CYP4X1: variants seen among roughly 807,000 people sequenced by gnomAD.
CYP4X1 encodes cytochrome P450 4X1.
Under a neutral mutation model 57.9 loss-of-function variants are expected in CYP4X1, and 44 were observed. The observed-to-expected ratio is 0.76, with a 90% CI of 0.60 to 0.98. The LOEUF (loss-of-function observed/expected upper bound fraction) is 0.98, where lower values mean the gene tolerates loss of function less well. Among genes scored for constraint, CYP4X1 ranks in the 50% least tolerant of loss-of-function variants. The pLI is 0.00. For missense variants in CYP4X1, 532 were observed against 623.9 expected (o/e 0.85, Z 1.57); for synonymous variants, 227 against 228.6 (o/e 0.99, Z 0.06).
chr1:46,985,402 G>A, the CYP4X1 span, among the ~76,000 whole-genome samples: 1 of 152,344 alleles, frequency 6.6e-6, no homozygotes, highest in East Asian at 1.9e-4. Context: ...CTCCCTGGGA[G>A]AAAGCACCTG....
At chr1:46,987,781 A>T in the CYP4X1 span, among the ~76,000 whole-genome samples, 1 of 152,202 alleles carries the variant, frequency 6.6e-6, no homozygotes, top group Non-Finnish European at 1.5e-5. Flanking sequence ...CTCCTGAATG[A>T]CTACTGGGTA....
the CYP4X1 span, chr1:46,967,683 G>A: frequency 1.4e-6 from 1 of 729,222 alleles, no homozygotes. Flanking sequence ...CTCAGAGCTG[G>A]TCCTTGTCCC....
chr1:47,023,693 T>C lies in CYP4X1; in HGVS notation c.-125T>C. The C allele has an allele frequency of 7.0e-7, 1 of 1,438,408 alleles. No homozygotes were observed. Among genetic ancestry groups the C allele is most frequent in the Non-Finnish European group, 9.1e-7 (1 of 1,099,290 alleles). 89.1% of individuals were successfully genotyped at this position (1,438,408 alleles called of 1,614,324 possible). A position where few individuals can be genotyped will look rare whatever the true frequency, so the allele number is the denominator to read the frequency against. ...CACTGCCTTTCCTTCTTCCCGCGAGTCAGAAGCTTCGCGAGGGCCCAGAGA... is the reference window on the plus strand; with the variant it reads ...CACTGCCTTTCCTTCTTCCCGCGAGCCAGAAGCTTCGCGAGGGCCCAGAGA... On this transcript the variant is annotated 5_prime_UTR_variant, in exon 1 of 12. Transcript: ENST00000371901.
chr1:47,031,712 G>C (rs922017927), intron 3 of CYP4X1, among the ~76,000 whole-genome samples: 1 of 152,010 alleles, frequency 6.6e-6, no homozygotes, highest in Admixed American at 6.6e-5. Context: ...TATTCTCAAG[G>C]CAGCAGATAC....
chr1:47,019,438 GC>G (rs1391651055), upstream of CYP4X1, among the ~76,000 whole-genome samples: 1 of 152,170 alleles, frequency 6.6e-6, no homozygotes, highest in Non-Finnish European at 1.5e-5. Context: ...AAAGGCCTAG[GC>G]AAAACTCTTG....
chr1:47,045,856 A>G (rs1409957673), intron 8 of CYP4X1, among the ~76,000 whole-genome samples: 1 of 152,206 alleles, frequency 6.6e-6, no homozygotes, highest in Non-Finnish European at 1.5e-5. Flanking sequence ...AGCTGGTCCC[A>G]GAGCTTTCCC....
chr1:46,975,344 T>C, the CYP4X1 span, among the ~76,000 whole-genome samples: 1 of 152,360 alleles, frequency 6.6e-6, no homozygotes, highest in East Asian at 1.9e-4. Context: ...TGGGACCTTT[T>C]GTAAGGCAGT....
the CYP4X1 span, among the ~76,000 whole-genome samples, chr1:47,005,964 T>A: frequency 6.6e-6 from 1 of 152,212 alleles, no homozygotes; most frequent in Non-Finnish European, 1.5e-5. Flanking sequence ...CTTTGAGACA[T>A]GTACTTAGGT....
intron 6 of CYP4X1, among the ~76,000 whole-genome samples, chr1:47,037,018 A>C (rs1275897351): frequency 6.6e-6 from 1 of 152,186 alleles, no homozygotes; most frequent in Non-Finnish European, 1.5e-5. Flanking sequence ...GGTTATAAAC[A>C]ATTTAAGGCA....
chr1:46,972,953 G>A, the CYP4X1 span, among the ~76,000 whole-genome samples: 1 of 151,900 alleles, frequency 6.6e-6, no homozygotes, highest in South Asian at 2.1e-4. Flanking sequence ...TTCTGGCTAG[G>A]ATTTCCAGTA....
chr1:47,006,014 G>C, the CYP4X1 span, among the ~76,000 whole-genome samples: 1 of 152,078 alleles, frequency 6.6e-6, no homozygotes, highest in Admixed American at 6.5e-5. Context: ...TTAGAAACAT[G>C]GTTAACAAGG....
At chr1:46,973,761 G>C in the CYP4X1 span, among the ~76,000 whole-genome samples, 1 of 151,906 alleles carries the variant, frequency 6.6e-6, no homozygotes, top group African/African-American at 2.4e-5. Context: ...CTGTGGGGTT[G>C]GTGGTAACGT....
chr1:46,985,698 A>T, the CYP4X1 span, among the ~76,000 whole-genome samples: 21 of 152,234 alleles, frequency 1.4e-4, no homozygotes, highest in Non-Finnish European at 2.6e-4. Context: ...GCTGTTCTGC[A>T]GCCCCCACTG....
chr1:46,989,055 C>G, the CYP4X1 span, among the ~76,000 whole-genome samples: 7 of 152,066 alleles, frequency 4.6e-5, no homozygotes, highest in Non-Finnish European at 1.0e-4. Flanking sequence ...CCAGAGCAAT[C>G]ATGCAAAAGA....
At chr1:46,978,284 T>A in the CYP4X1 span, among the ~76,000 whole-genome samples, 2 of 152,028 alleles carry the variant, frequency 1.3e-5, no homozygotes, top group African/African-American at 4.8e-5. Flanking sequence ...GAGGAAGTTC[T>A]GCCAAGCAAA....
chr1:46,977,721 G>A, the CYP4X1 span, among the ~76,000 whole-genome samples: 59 of 152,068 alleles, frequency 3.9e-4, no homozygotes, highest in African/African-American at 1.3e-3. Context: ...AAGACAGCCA[G>A]AGAGAACGGT....
the CYP4X1 span, among the ~76,000 whole-genome samples, chr1:46,998,165 T>C: frequency 6.5e-3 from 917 of 142,110 alleles, 6 homozygotes; most frequent in Non-Finnish European, 0.011. Flanking sequence ...TTGTAGGTTT[T>C]TCTGTTTGTT....
chr1:46,972,423 C>T, the CYP4X1 span, among the ~76,000 whole-genome samples: 837 of 152,190 alleles, frequency 5.5e-3, 11 homozygotes, highest in African/African-American at 0.019. Context: ...CTACTGGGCT[C>T]TTTTGTGGTT....
intron 2 of CYP4X1, 39 bp downstream of exon 2, chr1:47,030,170 A>G: frequency 1.3e-6 from 2 of 1,578,212 alleles, no homozygotes; most frequent in African/African-American, 1.4e-5. Flanking sequence ...TATTCCTCCT[A>G]GAAGTGAAAT....
Sources: gnomAD v4.1 joint callset for allele counts (sites outside exome capture counted in the v4.1 genomes callset) on GRCh38, gnomAD v4.1.1 for gene constraint, MANE v1.5 for transcripts, NCBI Gene and HGNC (gene_info 2026-07-23, HGNC 2026-07-21) for gene names.